Variants in LHX8 observed in about 807,000 individuals in gnomAD.
LHX8 encodes the protein LIM homeobox 8.
A neutral mutation model predicts 40.3 loss-of-function variants in LHX8; 12 were observed. That is an observed-to-expected ratio of 0.30 (90% CI 0.19 to 0.48). The LOEUF is 0.48. Ranked by LOEUF, LHX8 falls within the 20% of genes least tolerant of loss-of-function variation. The pLI is 0.99. For missense variants in LHX8, 344 were observed against 433.7 expected (o/e 0.79, Z 1.84); for synonymous variants, 179 against 162.0 (o/e 1.10, Z -0.80).
chr1:75,151,464 G>A (rs1446373002), intron 7 of LHX8, among the ~76,000 whole-genome samples: 3 of 152,248 alleles, frequency 2.0e-5, no homozygotes, highest in Non-Finnish European at 2.9e-5. Flanking sequence ...TTTATCTGGA[G>A]ATAAGGCCAG....
the LHX8 span, among the ~76,000 whole-genome samples, chr1:75,197,328 T>C: frequency 7.2e-5 from 11 of 152,156 alleles, no homozygotes; most frequent in African/African-American, 2.7e-4. Flanking sequence ...ATTCTAAATA[T>C]ATCCTGATGC....
At chr1:75,166,281 C>T (rs7540448), downstream of LHX8, among the ~76,000 whole-genome samples, 152,303 of 152,356 alleles carry the variant, frequency 1, 76,125 homozygotes, top group Middle Eastern at 1. Context: ...AAAACATCTA[C>T]TTCCTGTCTA....
At chr1:75,130,396 G>A (rs887786722), upstream of LHX8, 2 of 490,028 alleles carry the variant, frequency 4.1e-6, no homozygotes, top group South Asian at 5.2e-5. Flanking sequence ...CCCAGCTGGC[G>A]CATCAGACCG....
At chr1:75,152,025 A>C (rs1648626059) in intron 7 of LHX8, among the ~76,000 whole-genome samples, 1 of 152,208 alleles carries the variant, frequency 6.6e-6, no homozygotes, top group African/African-American at 2.4e-5. Context: ...TAGCATGCTT[A>C]TGTGTTTATT....
At chr1:75,196,620 A>T in the LHX8 span, among the ~76,000 whole-genome samples, 1 of 152,244 alleles carries the variant, frequency 6.6e-6, no homozygotes, top group South Asian at 2.1e-4. Context: ...AAAGCATAAT[A>T]GAAAACATTC....
the LHX8 span, among the ~76,000 whole-genome samples, chr1:75,182,327 CT>C: frequency 6.8e-6 from 1 of 147,332 alleles, no homozygotes; most frequent in Non-Finnish European, 1.5e-5. Flanking sequence ...AGCTTTATTT[CT>C]AGGTTCTGTA....
chr1:75,197,019 C>G, the LHX8 span, among the ~76,000 whole-genome samples: 1 of 152,154 alleles, frequency 6.6e-6, no homozygotes, highest in South Asian at 2.1e-4. Flanking sequence ...GAAAAAACAA[C>G]AACGCAGAAC....
upstream of LHX8, chr1:75,130,515 TCA>T (rs915819474): frequency 6.3e-6 from 4 of 637,570 alleles, no homozygotes; most frequent in African/African-American, 7.3e-5. Flanking sequence ...CCATCAAACC[TCA>T]GTCTTGGCCC....
chr1:75,139,990 A>G (rs1483044457), intron 3 of LHX8, among the ~76,000 whole-genome samples: 2 of 152,172 alleles, frequency 1.3e-5, no homozygotes. Flanking sequence ...CTGTTCTTTT[A>G]CATGAAATTC....
the LHX8 span, among the ~76,000 whole-genome samples, chr1:75,183,732 AACCACCT>A: frequency 6.6e-6 from 1 of 152,216 alleles, no homozygotes; most frequent in Non-Finnish European, 1.5e-5. Context: ...CCAGCATAAT[AACCACCT>A]AACAACAGAA....
chr1:75,173,501 G>A, the LHX8 span, among the ~76,000 whole-genome samples: 1 of 146,366 alleles, frequency 6.8e-6, no homozygotes, highest in Non-Finnish European at 1.5e-5. Flanking sequence ...TCCTGCCTCA[G>A]CCTCCCGAGT....
downstream of LHX8, among the ~76,000 whole-genome samples, chr1:75,164,276 CAT>C (rs1398924019): frequency 1.3e-5 from 2 of 151,986 alleles, no homozygotes; most frequent in Non-Finnish European, 1.5e-5. Flanking sequence ...ATTTTACAAA[CAT>C]AGAAATTAAA....
intron 5 of LHX8, 103 bp downstream of exon 5, chr1:75,143,441 A>G (rs944528166): frequency 9.5e-5 from 76 of 798,070 alleles, no homozygotes; most frequent in Admixed American, 1.3e-4. Flanking sequence ...TGTACAATGT[A>G]TAAGTGTGGT....
upstream of LHX8, chr1:75,131,691 C>G (rs12129158): frequency 0.21 from 31,810 of 152,258 alleles, 3,908 homozygotes; most frequent in Middle Eastern, 0.33. Context: ...CCAATCAAGG[C>G]CTGGCTCCAC....
upstream of LHX8, chr1:75,130,860 C>T (rs1441924427): frequency 1.5e-5 from 14 of 911,156 alleles, no homozygotes; most frequent in East Asian, 3.4e-4. Context: ...CCAAGTGTGA[C>T]ATCCACAGTT....
intron 1 of LHX8, among the ~76,000 whole-genome samples, chr1:75,135,846 C>A (rs368925239): frequency 6.6e-6 from 1 of 152,210 alleles, no homozygotes; most frequent in Non-Finnish European, 1.5e-5. Flanking sequence ...TAAAAATAAT[C>A]CTTTAGTAGC....
the LHX8 span, among the ~76,000 whole-genome samples, chr1:75,188,509 C>G: frequency 6.6e-6 from 1 of 152,146 alleles, no homozygotes; most frequent in Admixed American, 6.6e-5. Flanking sequence ...TCTCCAGGCT[C>G]TTTTCTCATG....
the LHX8 span, among the ~76,000 whole-genome samples, chr1:75,199,150 G>A: frequency 6.6e-6 from 1 of 152,204 alleles, no homozygotes; most frequent in Non-Finnish European, 1.5e-5. Flanking sequence ...TTGCTATTGA[G>A]TTTCTTTTTC....
At chr1:75,187,949 T>G in the LHX8 span, among the ~76,000 whole-genome samples, 3 of 152,116 alleles carry the variant, frequency 2.0e-5, no homozygotes, top group Non-Finnish European at 2.9e-5. Flanking sequence ...AAGAGTCAGC[T>G]TAAACACCTG....
Sources: gnomAD v4.1 joint callset for allele counts (sites outside exome capture counted in the v4.1 genomes callset) on GRCh38, gnomAD v4.1.1 for gene constraint, MANE v1.5 for transcripts, NCBI Gene and HGNC (gene_info 2026-07-23, HGNC 2026-07-21) for gene names.